The following BZW1 variants were observed in gnomAD, a reference collection of about 807,000 sequenced individuals.
BZW1 encodes eIF5-mimic protein 2.
In BZW1, 3 loss-of-function variants were observed where a neutral mutation model predicts 54.1. The observed-to-expected ratio is 0.06, with a 90% CI of 0.03 to 0.14. BZW1 has a LOEUF of 0.14. Among genes scored for constraint, BZW1 ranks in the 10% least tolerant of loss-of-function variants. The pLI, the probability that BZW1 is intolerant of heterozygous loss-of-function variation, is 1.00. For missense variants in BZW1, 206 were observed against 491.7 expected, an observed-to-expected ratio of 0.42 and a Z score of 5.50; for synonymous variants, 152 against 162.7, an observed-to-expected ratio of 0.93 and a Z score of 0.50.
chr2:200,812,876 C>A, intron 1 of BZW1: 1 of 653,318 alleles, frequency 1.5e-6, no homozygotes, highest in East Asian at 3.2e-5. Flanking sequence ...GCTTAGTGGT[C>A]GTGGAAGATG....
intron 10 of BZW1, 50 bp from the exon 11 acceptor site, chr2:200,821,133 C>CT: frequency 6.3e-7 from 1 of 1,592,686 alleles, no homozygotes; most frequent in South Asian, 1.1e-5. Flanking sequence ...GGTTCTAACG[C>CT]TGAGTAGAGT....
At chr2:200,813,365 T>C in intron 2 of BZW1, 84 bp downstream of exon 2, 1 of 1,203,490 alleles carries the variant, frequency 8.3e-7, no homozygotes, top group Non-Finnish European at 1.2e-6. Context: ...ACTTGCATAT[T>C]ACTAAAGCCT....
chr2:200,814,251 A>C (rs1326928611), intron 2 of BZW1, among the ~76,000 whole-genome samples: 1 of 152,216 alleles, frequency 6.6e-6, no homozygotes, highest in Non-Finnish European at 1.5e-5. Context: ...AAGTAGCTTT[A>C]GCATTCTTAT....
chr2:200,820,587 TAGG>T (rs1393445910), intron 10 of BZW1, among the ~76,000 whole-genome samples: 1 of 152,018 alleles, frequency 6.6e-6, no homozygotes, highest in African/African-American at 2.4e-5. Context: ...AAGGCTGAGG[TAGG>T]AGGATCACTT....
Position 200,816,374 on chromosome 2 carries a change from A to G in BZW1, c.386A>G (p.Glu129Gly). ...RRYKYLEKGF[E>G]DEVKKLLLFL... is the part of the protein sequence containing the mutation. ...TACAAATACCTGGAGAAAGGTTTTG[A>G]AGATGAAGTAAAAAAGGTATGAGTA... Residue 129 changes from glutamate to glycine, a missense_variant, in exon 5 of 12, where the codon GAA (glutamate) becomes GGA (glycine). This residue lies in a region of BZW1 where 81 missense variants were observed against 257.1 expected (regional missense o/e 0.32). Transcript: ENST00000409600. 1 of 1,585,900 alleles carries G rather than the reference A, an allele frequency of 6.3e-7. No homozygotes were observed.
chr2:200,820,655 A>C (rs571969059), intron 10 of BZW1, among the ~76,000 whole-genome samples: 4 of 152,192 alleles, frequency 2.6e-5, no homozygotes, highest in African/African-American at 9.6e-5. Flanking sequence ...GCACTCCAGC[A>C]GCCTAGGCAA....
chr2:200,814,401 T>A (rs1416670014), intron 2 of BZW1, among the ~76,000 whole-genome samples: 1 of 152,192 alleles, frequency 6.6e-6, no homozygotes, highest in Admixed American at 6.6e-5. Flanking sequence ...CACAAGACTT[T>A]CAGTGCTAAA....
chr2:200,822,029 G>A, intron 11 of BZW1, 118 bp from the exon 12 acceptor site: 7 of 911,886 alleles, frequency 7.7e-6, no homozygotes, highest in Non-Finnish European at 1.2e-5. Flanking sequence ...AGAGGGTGCT[G>A]CTGCATTCCG....
intron 4 of BZW1, 117 bp from the exon 5 acceptor site, chr2:200,816,208 A>G: frequency 1.6e-6 from 1 of 607,184 alleles, no homozygotes; most frequent in Non-Finnish European, 2.7e-6. Flanking sequence ...ATGTGTCACT[A>G]GGAATTCTTC....
Position 200,823,394 on chromosome 2 carries a change from C to T in BZW1, c.*1216C>T, listed in dbSNP as rs1220324984. The T allele has an allele frequency of 1.3e-5, 2 of 151,536 alleles. No homozygotes were observed. Among genetic ancestry groups the T allele is most frequent in the Non-Finnish European group, 3.0e-5 (2 of 67,418 alleles). The allele number at this position is 151,536 out of a possible 1,614,324, so 9.4% of individuals were successfully genotyped here. Reference sequence around the variant, plus strand: ...GGCTGCCTTTTCATTTTCATCTTTTCTTGCTGCTACCCATCTATGTATGTA... The same window carrying T: ...GGCTGCCTTTTCATTTTCATCTTTTTTTGCTGCTACCCATCTATGTATGTA... On this transcript the variant is annotated 3_prime_UTR_variant, in exon 12 of 12. Transcript: ENST00000409600.
intron 5 of BZW1, 62 bp from the exon 6 acceptor site, chr2:200,817,044 T>C: frequency 6.4e-7 from 1 of 1,566,498 alleles, no homozygotes; most frequent in Non-Finnish European, 8.7e-7. Flanking sequence ...TAACATGCTT[T>C]ACTGCTTCTC....
At chr2:200,820,196 T>A (rs975739473) in intron 10 of BZW1, 76 bp downstream of exon 10, 21 of 1,263,648 alleles carry the variant, frequency 1.7e-5, no homozygotes, top group Non-Finnish European at 2.1e-5. Flanking sequence ...AAATGATGAG[T>A]TATCTGGACA....
At chr2:200,816,226 G>C (rs1373496621) in intron 4 of BZW1, 99 bp from the exon 5 acceptor site, 31 of 768,924 alleles carry the variant, frequency 4.0e-5, no homozygotes, top group Non-Finnish European at 5.9e-5. Flanking sequence ...TTCTCAAGCT[G>C]GTTTAAGCAG....
chr2:200,813,344 C>T, intron 2 of BZW1, 63 bp downstream of exon 2: 2 of 1,426,242 alleles, frequency 1.4e-6, no homozygotes, highest in Non-Finnish European at 2.0e-6. Context: ...ATCTTGCCTT[C>T]TCTGACAGGT....
intron 1 of BZW1, chr2:200,812,963 G>A (rs990830868): frequency 1.5e-6 from 1 of 680,884 alleles, no homozygotes; most frequent in Non-Finnish European, 2.8e-6. Flanking sequence ...GCACTACAAT[G>A]TCGCTTAAAA....
At chr2:200,815,795 G>A (rs2038265823) in intron 4 of BZW1, 34 bp downstream of exon 4, 4 of 1,481,010 alleles carry the variant, frequency 2.7e-6, no homozygotes, top group Non-Finnish European at 3.6e-6. Flanking sequence ...TTTTCAGTTG[G>A]CTACTATCCA....
chr2:200,820,481 ACCGG>A (rs1186294493), intron 10 of BZW1, among the ~76,000 whole-genome samples: 1 of 152,156 alleles, frequency 6.6e-6, no homozygotes, highest in Non-Finnish European at 1.5e-5. Flanking sequence ...AGAGTTCAAG[ACCGG>A]CCTGGACTGC....
At chr2:200,813,004 T>G in intron 1 of BZW1, 1 of 695,242 alleles carries the variant, frequency 1.4e-6, no homozygotes, top group Non-Finnish European at 2.7e-6. Flanking sequence ...GAAGGGTTTC[T>G]TGTAGAGAGA....
At chr2:200,812,762 C>CT (rs1335940844) in intron 1 of BZW1, 1 of 718,616 alleles carries the variant, frequency 1.4e-6, no homozygotes, top group Non-Finnish European at 2.6e-6. Context: ...CGTAACCAGG[C>CT]TTGTCAGAAG....
Sources: gnomAD v4.1 joint callset for allele counts (sites outside exome capture counted in the v4.1 genomes callset) on GRCh38, gnomAD v4.1.1 for gene constraint, gnomAD v4.1.1 regional missense constraint, MANE v1.5 for transcripts, NCBI Gene and HGNC (gene_info 2026-07-23, HGNC 2026-07-21) for gene names.